Variants in PRDM16 observed in about 807,000 individuals in gnomAD.
PRDM16 encodes histone-lysine N-methyltransferase PRDM16.
In PRDM16, 23 loss-of-function variants were observed where a neutral mutation model predicts 110.6. The ratio of observed to expected loss-of-function variants is 0.21; its 90% confidence interval spans 0.15 to 0.29. The LOEUF is 0.29. Ranked by LOEUF, PRDM16 falls within the 10% of genes least tolerant of loss-of-function variation. The pLI is 1.00. For synonymous variants in PRDM16, 799 were observed against 781.8 expected (o/e 1.02, Z -0.37); for missense variants, 1,615 against 1,794.3 (o/e 0.90, Z 1.81).
chr1:3,160,041 C>G (rs1338562608), intron 1 of PRDM16, among the ~76,000 whole-genome samples: 1 of 152,226 alleles, frequency 6.6e-6, no homozygotes, highest in Non-Finnish European at 1.5e-5. Context: ...CCTAACCCAG[C>G]TGTGTTGGGC....
intron 8 of PRDM16, among the ~76,000 whole-genome samples, chr1:3,409,049 C>T (rs1171263377): frequency 7.9e-5 from 11 of 139,766 alleles, no homozygotes; most frequent in Middle Eastern, 4.9e-3. Context: ...GCGTGTGGGC[C>T]GGTGCGTGTG....
chr1:3,274,369 G>A (rs1337698208), intron 3 of PRDM16, among the ~76,000 whole-genome samples: 3 of 152,044 alleles, frequency 2.0e-5, no homozygotes, highest in Admixed American at 1.3e-4. Context: ...CCTTGCTGGC[G>A]ACCAGATTTC....
intron 3 of PRDM16, among the ~76,000 whole-genome samples, chr1:3,351,864 A>AC (rs940735293): frequency 2.7e-5 from 4 of 148,380 alleles, no homozygotes; most frequent in Admixed American, 6.7e-5. Context: ...GAACTCACAC[A>AC]CTCACTCTGT....
chr1:3,229,813 G>T (rs1639366329), intron 2 of PRDM16, among the ~76,000 whole-genome samples: 1 of 152,218 alleles, frequency 6.6e-6, no homozygotes. Context: ...GCCCCCAGAG[G>T]AGCCCCTGGC....
intron 3 of PRDM16, among the ~76,000 whole-genome samples, chr1:3,293,689 A>C (rs1372775894): frequency 6.6e-6 from 1 of 152,228 alleles, no homozygotes; most frequent in Non-Finnish European, 1.5e-5. Context: ...AGGGTATTTC[A>C]TTGTTAAGAG....
chr1:3,422,711 C>T (rs1028965021), intron 12 of PRDM16, among the ~76,000 whole-genome samples: 1 of 152,164 alleles, frequency 6.6e-6, no homozygotes, highest in African/African-American at 2.4e-5. Flanking sequence ...CCAAGCATCT[C>T]CAACCCTGCT....
intron 3 of PRDM16, among the ~76,000 whole-genome samples, chr1:3,371,730 G>C (rs1368875667): frequency 1.3e-5 from 2 of 152,262 alleles, no homozygotes; most frequent in African/African-American, 4.8e-5. Context: ...GCGAGCCAAG[G>C]TGCATGGCGC....
chr1:3,348,258 G>A (rs1642404176), intron 3 of PRDM16, among the ~76,000 whole-genome samples: 1 of 152,238 alleles, frequency 6.6e-6, no homozygotes, highest in East Asian at 1.9e-4. Flanking sequence ...CAGGACCATA[G>A]GAATCTGCCC....
chr1:3,113,335 G>A (rs953599552), intron 1 of PRDM16, among the ~76,000 whole-genome samples: 1 of 152,222 alleles, frequency 6.6e-6, no homozygotes, highest in Non-Finnish European at 1.5e-5. Flanking sequence ...CTAGGGGATT[G>A]TGACCCTGGA....
Position 3,437,137 on chromosome 1 carries a change from G to C in PRDM16, c.*3326G>C, listed in dbSNP as rs1638929725. 1 of 232,436 alleles carries C rather than the reference G, an allele frequency of 4.3e-6. No individual in the cohort carries two copies. The highest frequency in any genetic ancestry group is 6.1e-5 in the East Asian group (1 of 16,512). The allele number at this position is 232,436 out of a possible 1,614,324, so 14.4% of individuals were successfully genotyped here. On this transcript the variant is annotated 3_prime_UTR_variant, in exon 17 of 17. Coordinates refer to ENST00000270722, the MANE Select transcript of PRDM16 (RefSeq NM_022114.4). ...CCCTGCACCCTGCCTGGGGCCCTGGGGTGTGGAGCAGTGGCTGGGGTGGGC... is the reference window on the plus strand; with the variant it reads ...CCCTGCACCCTGCCTGGGGCCCTGGCGTGTGGAGCAGTGGCTGGGGTGGGC...
rs193137641 is a variant in PRDM16, at chr1:3,192,839, G to A, written c.387+6365G>A. Among the ~76,000 whole-genome samples the A allele has an allele frequency of 3.0e-3, 456 of 152,212 alleles. 4 individuals carry two copies. The highest frequency in any genetic ancestry group is 0.011 in the African/African-American group (440 of 41,554). On this transcript the variant is annotated intron_variant, in intron 2 of 16. Transcript: ENST00000270722. ...CTGCCTTGTTGCCATAAAGACCCTC[G>A]GTGCTCAAAGTGTGGTCCCTGAGCC...
intron 1 of PRDM16, among the ~76,000 whole-genome samples, chr1:3,145,122 C>T (rs1024676828): frequency 3.9e-5 from 6 of 152,212 alleles, no homozygotes; most frequent in Non-Finnish European, 5.9e-5. Context: ...GGCAGGTGAT[C>T]GTCCATGCCA....
In PRDM16 at chr1:3,410,322, C is replaced by T. The variant is rs150762860; in HGVS notation, c.1187-1062C>T. Among the ~76,000 whole-genome samples, 684 of 152,292 alleles carry T rather than the reference C, an allele frequency of 4.5e-3. 5 individuals are homozygous for T. The highest frequency in any genetic ancestry group is 7.4e-3 in the Non-Finnish European group (504 of 68,008). ...GTCCTGGAGTCTAGCTGGGCCGGCA[C>T]TGCCCTCTCCTGTTGAGAGAAGATG... On this transcript the variant is annotated intron_variant, in intron 8 of 16. Coordinates refer to ENST00000270722, the MANE Select transcript of PRDM16 (RefSeq NM_022114.4).
chr1:3,166,216 C>A (rs1039199635), intron 1 of PRDM16, among the ~76,000 whole-genome samples: 2 of 152,242 alleles, frequency 1.3e-5, no homozygotes, highest in Admixed American at 6.5e-5. Flanking sequence ...CAGAGAAAAT[C>A]AAATGGATGC....
At chr1:3,258,945 G>A (rs565382289) in intron 3 of PRDM16, among the ~76,000 whole-genome samples, 4 of 152,344 alleles carry the variant, frequency 2.6e-5, no homozygotes, top group African/African-American at 4.8e-5. Context: ...GCACCCCAGA[G>A]AGCTGCAAAA....
At chr1:3,399,442 G>C (rs1643433139) in intron 5 of PRDM16, among the ~76,000 whole-genome samples, 1 of 152,154 alleles carries the variant, frequency 6.6e-6, no homozygotes, top group African/African-American at 2.4e-5. Flanking sequence ...GGTGTATTCA[G>C]GGCCAGCCTT....
At chr1:3,231,047 C>T (rs931004349) in intron 2 of PRDM16, among the ~76,000 whole-genome samples, 2 of 152,198 alleles carry the variant, frequency 1.3e-5, no homozygotes, top group Non-Finnish European at 2.9e-5. Flanking sequence ...TATCTCCGTC[C>T]TCCTTGGAGC....
chr1:3,284,679 A>G (rs1178864135), intron 3 of PRDM16, among the ~76,000 whole-genome samples: 3 of 152,198 alleles, frequency 2.0e-5, no homozygotes, highest in African/African-American at 7.2e-5. Context: ...TGGCCTTATG[A>G]TGGGGAATCT....
intron 3 of PRDM16, among the ~76,000 whole-genome samples, chr1:3,355,433 C>T (rs375055821): frequency 1.3e-5 from 2 of 152,176 alleles, no homozygotes; most frequent in East Asian, 3.9e-4. Context: ...TTTCCTGTCT[C>T]CCAGGCAAGG....
Sources: gnomAD v4.1 joint callset for allele counts (sites outside exome capture counted in the v4.1 genomes callset) on GRCh38, gnomAD v4.1.1 for gene constraint, MANE v1.5 for transcripts, NCBI Gene and HGNC (gene_info 2026-07-23, HGNC 2026-07-21) for gene names.